MS4A13: variants seen among roughly 807,000 people sequenced by gnomAD.
The protein encoded by MS4A13 is membrane spanning 4-domains A13.
Under a neutral mutation model 18.4 loss-of-function variants are expected in MS4A13, and 21 were observed. The observed-to-expected ratio is 1.14, with a 90% CI of 0.81 to 1.64. The LOEUF is 1.64. MS4A13 is among the 40% of genes most tolerant of loss of function. The pLI is 0.00. For missense variants in MS4A13, 173 were observed against 176.8 expected (o/e 0.98, Z 0.12); for synonymous variants, 62 against 57.2 (o/e 1.08, Z -0.38).
intron 3 of MS4A13, among the ~76,000 whole-genome samples, chr11:60,523,053 A>G (rs2086688304): frequency 6.6e-6 from 1 of 152,214 alleles, no homozygotes; most frequent in African/African-American, 2.4e-5. Context: ...TTCACAAGAT[A>G]TTTTCACTTT....
At chr11:60,527,400 C>CTGTG (rs1555024353) in intron 5 of MS4A13, among the ~76,000 whole-genome samples, 303 of 83,896 alleles carry the variant, frequency 3.6e-3, no homozygotes, top group Middle Eastern at 7.1e-3. Flanking sequence ...CTCTCTCTCT[C>CTGTG]TCTCTCTCTC....
chr11:60,516,076 GTTT>G lies in MS4A13; in HGVS notation c.-19_-17del, dbSNP rs2086635180. 6.6e-6 allele frequency: 1 copy of G among 152,126 alleles called. No homozygotes were observed. The highest frequency in any genetic ancestry group is 1.5e-5 in the Non-Finnish European group (1 of 68,010). 9.4% of individuals were successfully genotyped at this position (152,126 alleles called of 1,614,324 possible). On this transcript the variant is annotated 5_prime_UTR_variant, in exon 2 of 7. The change creates a premature stop within an existing upstream ORF in the 5' untranslated region. Coordinates refer to ENST00000378186, the MANE Select transcript of MS4A13 (RefSeq NM_001012417.3). The stretch of plus-strand genomic sequence containing the variant: ...ACAAATCTCTACAGCAGATTCTCTC[GTTT>G]TAGGGGTAAGATTTCACTTTGACTA...
intron 6 of MS4A13, among the ~76,000 whole-genome samples, chr11:60,541,000 G>A (rs1271763681): frequency 1.3e-5 from 2 of 150,712 alleles, no homozygotes; most frequent in Admixed American, 6.6e-5. Context: ...CATGAGACGT[G>A]TATAAAACAA....
chr11:60,533,393 G>A (rs767774370), intron 6 of MS4A13, among the ~76,000 whole-genome samples: 2,696 of 120,418 alleles, frequency 0.022, 303 homozygotes, highest in African/African-American at 0.081. Flanking sequence ...CTCAGGAGCC[G>A]ATGCAATCAA....
intron 2 of MS4A13, among the ~76,000 whole-genome samples, chr11:60,516,509 C>T (rs1256314696): frequency 1.3e-5 from 2 of 152,152 alleles, no homozygotes; most frequent in African/African-American, 2.4e-5. Context: ...GTGAACTTTT[C>T]TTCTGAATTT....
intron 5 of MS4A13, among the ~76,000 whole-genome samples, chr11:60,527,410 C>CTCTGTGTGTGTGTGTGTGTG (rs1555024373): frequency 2.4e-4 from 7 of 28,804 alleles, no homozygotes; most frequent in Non-Finnish European, 4.0e-4. Flanking sequence ...CTCTCTCTCT[C>CTCTGTGTGTGTGTGTGTGTG]TGTGTGTGTG....
At chr11:60,540,899 G>A (rs1290965669) in intron 6 of MS4A13, among the ~76,000 whole-genome samples, 3 of 150,034 alleles carry the variant, frequency 2.0e-5, no homozygotes, top group East Asian at 2.0e-4. Context: ...AGGCTGCAAT[G>A]AGCCATATTC....
intron 6 of MS4A13, among the ~76,000 whole-genome samples, chr11:60,535,537 T>C (rs1419399934): frequency 8.3e-6 from 1 of 120,492 alleles, no homozygotes; most frequent in Non-Finnish European, 1.7e-5. Context: ...AATCAATAGT[T>C]TACCAACCAA....
At chr11:60,517,627 C>A (rs1217633666) in intron 2 of MS4A13, among the ~76,000 whole-genome samples, 1 of 152,082 alleles carries the variant, frequency 6.6e-6, no homozygotes, top group Non-Finnish European at 1.5e-5. Context: ...ATAAATCAAA[C>A]CTTTATAAAA....
chr11:60,527,275 A>T (rs2135257108), intron 5 of MS4A13, among the ~76,000 whole-genome samples: 1 of 152,046 alleles, frequency 6.6e-6, no homozygotes, highest in East Asian at 1.9e-4. Flanking sequence ...ACCCAAGTTG[A>T]CTTAAGGCAA....
In MS4A13 at chr11:60,542,543, T is replaced by G. The variant is rs776758584; in HGVS notation, c.427T>G (p.Ser143Ala). 2 of 1,610,940 alleles carry G rather than the reference T, an allele frequency of 1.2e-6. No individual in the cohort carries two copies. Among genetic ancestry groups the G allele is most frequent in the Non-Finnish European group, 1.7e-6 (2 of 1,178,326 alleles). The stretch of plus-strand genomic sequence containing the variant: ...GTTTCGAAGACAAAATGATCTTACA[T>G]CTGTTACTGAGGAAGCTGAGAGCAC... ...NLFRRQNDLTSVTEEAESTP is the reference protein window; with the variant it reads ...NLFRRQNDLTAVTEEAESTP Residue 143 changes from serine to alanine, a missense_variant, in exon 7 of 7, where the codon TCT (serine) becomes GCT (alanine). Ser to Ala is a moderately conservative substitution (Grantham distance 99, BLOSUM62 1). Coordinates refer to ENST00000378186, the MANE Select transcript of MS4A13 (RefSeq NM_001012417.3).
At chr11:60,527,728 C>A (rs954111719) in intron 5 of MS4A13, among the ~76,000 whole-genome samples, 15 of 151,990 alleles carry the variant, frequency 9.9e-5, no homozygotes, top group African/African-American at 2.7e-4. Flanking sequence ...CCCAGCTACT[C>A]CGGAGGCTAA....
chr11:60,539,814 G>C (rs1183994800), intron 6 of MS4A13, among the ~76,000 whole-genome samples: 2 of 152,166 alleles, frequency 1.3e-5, no homozygotes, highest in Admixed American at 1.3e-4. Context: ...GGATATTAAA[G>C]TGCAGGGGGA....
intron 6 of MS4A13, among the ~76,000 whole-genome samples, chr11:60,538,124 A>G (rs2086823008): frequency 6.7e-6 from 1 of 149,026 alleles, no homozygotes; most frequent in African/African-American, 2.5e-5. Flanking sequence ...ACATGTATAC[A>G]TATGTAACTA....
intron 6 of MS4A13, among the ~76,000 whole-genome samples, chr11:60,538,144 A>T (rs1382272869): frequency 2.7e-5 from 4 of 147,244 alleles, no homozygotes; most frequent in Non-Finnish European, 4.5e-5. Flanking sequence ...AACCTGCACA[A>T]TGTGCACATG....
intron 6 of MS4A13, among the ~76,000 whole-genome samples, chr11:60,542,134 C>G (rs1331129098): frequency 1.6e-5 from 2 of 129,026 alleles, no homozygotes; most frequent in Non-Finnish European, 3.2e-5. Flanking sequence ...AAAAAAAACC[C>G]AAGGAAGGAA....
At chr11:60,518,008 A>G in intron 2 of MS4A13, 64 bp from the exon 3 acceptor site, 1 of 1,284,664 alleles carries the variant, frequency 7.8e-7, no homozygotes, top group Non-Finnish European at 1.1e-6. Context: ...CTTATAGTTA[A>G]CACTTATTGG....
At chr11:60,542,463 A>T in intron 6 of MS4A13, 56 bp from the exon 7 acceptor site, 2 of 1,154,748 alleles carry the variant, frequency 1.7e-6, no homozygotes, top group Non-Finnish European at 2.5e-6. Flanking sequence ...TCTATTTATT[A>T]GTTGTATAAT....
chr11:60,523,994 C>A, intron 4 of MS4A13, 41 bp downstream of exon 4: 1 of 1,202,542 alleles, frequency 8.3e-7, no homozygotes, highest in South Asian at 1.3e-5. Context: ...AATCACTTAT[C>A]ACAAAGCTAA....
Sources: allele counts gnomAD v4.1 joint callset (sites outside exome capture counted in the v4.1 genomes callset), GRCh38; gene constraint gnomAD v4.1.1; transcripts MANE v1.5; gene names NCBI Gene and HGNC (gene_info 2026-07-23, HGNC 2026-07-21).